CRACDL: variants seen among roughly 807,000 people sequenced by gnomAD.
The protein encoded by CRACDL is CRACD-like protein.
Under a neutral mutation model 70.6 loss-of-function variants are expected in CRACDL, and 26 were observed. That is an observed-to-expected ratio of 0.37 (90% CI 0.27 to 0.51). The LOEUF is 0.51. Ranked by LOEUF, CRACDL falls within the 20% of genes least tolerant of loss-of-function variation. The pLI is 0.94. For missense variants in CRACDL, 1,283 were observed against 1,376.9 expected (o/e 0.93, Z 1.08); for synonymous variants, 618 against 615.2 (o/e 1.00, Z -0.07).
chr2:98,802,078 C>T (rs143727201), intron 7 of CRACDL, among the ~76,000 whole-genome samples: 4,544 of 152,348 alleles, frequency 0.03, 89 homozygotes, highest in Middle Eastern at 0.065. Flanking sequence ...CTGAGAACAT[C>T]GTCCACGGGT....
chr2:98,869,463 C>T (rs12623172), intron 1 of CRACDL: 9,242 of 268,694 alleles, frequency 0.034, 430 homozygotes, highest in South Asian at 0.14. Flanking sequence ...GACTCGCCTC[C>T]CTGTGATTGG....
chr2:98,877,403 T>C (rs1335907943), intron 1 of CRACDL, among the ~76,000 whole-genome samples: 1 of 152,206 alleles, frequency 6.6e-6, no homozygotes, highest in African/African-American at 2.4e-5. Flanking sequence ...AGCTGGGAAA[T>C]TCCTATCACC....
intron 1 of CRACDL, among the ~76,000 whole-genome samples, chr2:98,858,568 C>T (rs1706804932): frequency 6.7e-6 from 1 of 149,762 alleles, no homozygotes; most frequent in Non-Finnish European, 1.5e-5. Context: ...TCATAACTTT[C>T]CACTATATAA....
Position 98,887,771 on chromosome 2 carries a change from C to T in CRACDL, c.-10-40961G>A, listed in dbSNP as rs535952330. On this transcript the variant is annotated intron_variant, in intron 1 of 9. Coordinates refer to ENST00000397899, the MANE Select transcript of CRACDL (RefSeq NM_207362.3). ...CTGGAAAGCTGCAAGAGAGAAGTGA[C>T]TTATCACATATAAGATAAAATTAGT... is the stretch of plus-strand genomic sequence containing the variant. Among the ~76,000 whole-genome samples, 3 of 152,210 alleles carry T rather than the reference C, an allele frequency of 2.0e-5. No homozygotes were observed. The South Asian group carries it at 6.2e-4, about 32-fold the overall frequency.
chr2:98,826,415 G>T (rs1198302210), intron 6 of CRACDL, among the ~76,000 whole-genome samples: 3 of 152,202 alleles, frequency 2.0e-5, no homozygotes, highest in Non-Finnish European at 4.4e-5. Context: ...GCCAGGACAG[G>T]GTCTCAAAGA....
At chr2:98,839,093 A>G (rs1416797840) in intron 2 of CRACDL, among the ~76,000 whole-genome samples, 1 of 152,212 alleles carries the variant, frequency 6.6e-6, no homozygotes, top group East Asian at 1.9e-4. Flanking sequence ...TGTCTAATAC[A>G]TCCTGAAAAT....
intron 1 of CRACDL, among the ~76,000 whole-genome samples, chr2:98,892,952 T>G (rs921784649): frequency 4.6e-5 from 7 of 152,108 alleles, no homozygotes; most frequent in Non-Finnish European, 8.8e-5. Context: ...ATTTTTTTGG[T>G]TTCTCTGATA....
At chr2:98,905,786 T>C (rs1311853322) in intron 1 of CRACDL, among the ~76,000 whole-genome samples, 1 of 152,134 alleles carries the variant, frequency 6.6e-6, no homozygotes, top group Non-Finnish European at 1.5e-5. Context: ...CCTAGCTAAT[T>C]TTTGTATTTT....
At chr2:98,895,592 G>C (rs923941022) in intron 1 of CRACDL, among the ~76,000 whole-genome samples, 49 of 152,226 alleles carry the variant, frequency 3.2e-4, no homozygotes, top group African/African-American at 1.2e-3. Flanking sequence ...GTGGGGAAGG[G>C]AACTAAGTAG....
intron 9 of CRACDL, among the ~76,000 whole-genome samples, chr2:98,795,162 G>A (rs1703765513): frequency 7.0e-6 from 1 of 143,288 alleles, no homozygotes; most frequent in African/African-American, 2.6e-5. Context: ...TGCAATCTCT[G>A]CCTCCCGGGT....
intron 7 of CRACDL, among the ~76,000 whole-genome samples, chr2:98,806,713 T>C (rs901123997): frequency 6.6e-6 from 1 of 152,258 alleles, no homozygotes; most frequent in Admixed American, 6.5e-5. Flanking sequence ...GGAAAGGCAC[T>C]GTTATTTAAA....
intron 1 of CRACDL, among the ~76,000 whole-genome samples, chr2:98,878,804 A>C (rs1012040220): frequency 1.3e-5 from 2 of 152,242 alleles, no homozygotes; most frequent in Non-Finnish European, 2.9e-5. Context: ...TCACGAGAGA[A>C]GTACAGTTTC....
chr2:98,866,233 C>T (rs774555107), intron 1 of CRACDL, among the ~76,000 whole-genome samples: 1 of 152,100 alleles, frequency 6.6e-6, no homozygotes, highest in Non-Finnish European at 1.5e-5. Flanking sequence ...TCTTATTGCC[C>T]TGTAGTTACT....
intron 2 of CRACDL, 84 bp from the exon 3 acceptor site, chr2:98,838,371 G>T: frequency 1.4e-6 from 1 of 731,858 alleles, no homozygotes; most frequent in South Asian, 2.3e-5. Flanking sequence ...ACGTAAAAGA[G>T]AGAAAGCAAG....
At chr2:98,914,141 AG>A (rs1708609865) in intron 1 of CRACDL, among the ~76,000 whole-genome samples, 1 of 152,248 alleles carries the variant, frequency 6.6e-6, no homozygotes, top group Non-Finnish European at 1.5e-5. Context: ...CAGGAAGCCG[AG>A]GCAGGAGCCA....
intron 1 of CRACDL, among the ~76,000 whole-genome samples, chr2:98,862,431 C>A (rs186279348): frequency 3.3e-5 from 5 of 152,170 alleles, no homozygotes; most frequent in African/African-American, 9.6e-5. Context: ...AGGAAAAAAA[C>A]CAACAGAAAT....
intron 5 of CRACDL, among the ~76,000 whole-genome samples, chr2:98,831,233 C>T (rs925479550): frequency 6.6e-6 from 1 of 152,186 alleles, no homozygotes; most frequent in Non-Finnish European, 1.5e-5. Context: ...GAATAATTCT[C>T]TAGCCGGCTT....
Position 98,823,634 on chromosome 2 carries a change from TA to T in CRACDL, c.736-98del. The T allele has an allele frequency of 2.8e-6, 4 of 1,439,226 alleles. No individual in the cohort carries two copies. Among genetic ancestry groups the T allele is most frequent in the Non-Finnish European group, 3.8e-6 (4 of 1,061,196 alleles). 89.2% of individuals were successfully genotyped at this position (1,439,226 alleles called of 1,614,324 possible). A position where few individuals can be genotyped will look rare whatever the true frequency, so the allele number is the denominator to read the frequency against. On this transcript the variant is annotated intron_variant, in intron 6 of 9. Coordinates refer to ENST00000397899, the MANE Select transcript of CRACDL (RefSeq NM_207362.3). The surrounding 1 kb of genome is among the most constrained non-coding windows in gnomAD (Gnocchi z 4.0). Reference sequence around the variant, plus strand: ...TTCAAGGCTTATAATGGTTTAGTGATAGCAGCACTATAAAGCTGGCACTTAA... The same window carrying T: ...TTCAAGGCTTATAATGGTTTAGTGATGCAGCACTATAAAGCTGGCACTTAA...
Position 98,827,026 on chromosome 2 carries a change from G to C in CRACDL, c.684C>G (p.Leu228=). The change falls in exon 6 of 10, where the codon CTC becomes CTG. Residue 228 remains leucine (L), a synonymous_variant. Coordinates refer to ENST00000397899, the MANE Select transcript of CRACDL (RefSeq NM_207362.3). The part of the protein sequence containing the change: ...CLDNSAAKHK[L]QVKPRNQRSS... Reference sequence around the variant, plus strand: ...ACCGCTGGTTGCGGGGCTTGACCTGGAGCTTGTGCTTAGCTGCAGAGTTGT... The same window carrying C: ...ACCGCTGGTTGCGGGGCTTGACCTGCAGCTTGTGCTTAGCTGCAGAGTTGT... The C allele has an allele frequency of 6.2e-7, 1 of 1,614,114 alleles. No homozygotes were observed. The highest frequency in any genetic ancestry group is 8.5e-7 in the Non-Finnish European group (1 of 1,179,996).
Sources: gnomAD v4.1 joint callset for allele counts (sites outside exome capture counted in the v4.1 genomes callset) on GRCh38, gnomAD v4.1.1 for gene constraint, Gnocchi (gnomAD v3.1) non-coding constraint, MANE v1.5 for transcripts, NCBI Gene and HGNC (gene_info 2026-07-23, HGNC 2026-07-21) for gene names.